The following ASAP2 variants were observed in gnomAD, a reference collection of about 807,000 sequenced individuals.
The protein encoded by ASAP2 is ArfGAP with SH3 domain, ankyrin repeat and PH domain 2, also known as arf-GAP with SH3 domain, ANK repeat and PH domain-containing protein 2.
In ASAP2, 45 loss-of-function variants were observed where a neutral mutation model predicts 131.4. The ratio of observed to expected loss-of-function variants is 0.34; its 90% confidence interval spans 0.27 to 0.44. The LOEUF (loss-of-function observed/expected upper bound fraction) is 0.44, where lower values mean the gene tolerates loss of function less well. Ranked by LOEUF, ASAP2 falls within the 20% of genes least tolerant of loss-of-function variation. ASAP2 has a pLI of 1.00. For synonymous variants in ASAP2, 510 were observed against 503.0 expected (o/e 1.01, Z -0.19); for missense variants, 1,011 against 1,297.0 (o/e 0.78, Z 3.39).
intron 1 of ASAP2, among the ~76,000 whole-genome samples, chr2:9,275,819 T>G (rs1666725517): frequency 6.6e-6 from 1 of 152,168 alleles, no homozygotes; most frequent in Admixed American, 6.5e-5. Flanking sequence ...TGACTGACCT[T>G]AGAGGAAAGC....
intron 1 of ASAP2, among the ~76,000 whole-genome samples, chr2:9,261,665 G>T (rs927278427): frequency 6.6e-6 from 1 of 152,332 alleles, no homozygotes; most frequent in South Asian, 2.1e-4. Context: ...AGGTTGCCCA[G>T]TGCTGCCCCC....
chr2:9,282,352 AAAG>A (rs1667182178), intron 2 of ASAP2, among the ~76,000 whole-genome samples: 1 of 152,250 alleles, frequency 6.6e-6, no homozygotes, highest in African/African-American at 2.4e-5. Flanking sequence ...TGTCTACTGC[AAAG>A]AAGTCACCTG....
intron 21 of ASAP2, among the ~76,000 whole-genome samples, chr2:9,387,079 G>GGC (rs1553328900): frequency 6.9e-6 from 1 of 145,312 alleles, no homozygotes; most frequent in African/African-American, 2.6e-5. Flanking sequence ...GGTGGTGGGT[G>GGC]GGGGGGCGCC....
At chr2:9,296,752 G>C (rs1434085595) in intron 2 of ASAP2, among the ~76,000 whole-genome samples, 1 of 152,194 alleles carries the variant, frequency 6.6e-6, no homozygotes, top group African/African-American at 2.4e-5. Flanking sequence ...CTTCCTGGAG[G>C]AAGCATGAGT....
rs762821900 is a variant in ASAP2 at position 9,368,438 on chromosome 2, T to C, written c.1475T>C (p.Ile492Thr). ...TCATTTTTGCAGCTCGCCAAGAATA[T>C]TGGGAATGCAGGCTTTAATGAGATC... is the stretch of plus-strand genomic sequence containing the variant. ...GTSELLLAKN[I>T]GNAGFNEIME... Residue 492 changes from isoleucine to threonine, a missense_variant, in exon 16 of 28, where the codon ATT becomes ACT. By Grantham distance (89) the Ile-to-Thr change is moderately conservative (BLOSUM62 -1). This residue lies in a region of ASAP2 where 652 missense variants were observed against 698.9 expected (regional missense o/e 0.93). Coordinates refer to ENST00000281419, the MANE Select transcript of ASAP2 (RefSeq NM_003887.3). 1 of 1,614,098 alleles carries C rather than the reference T, an allele frequency of 6.2e-7. No homozygotes were observed.
chr2:9,396,494 C>T (rs1054979327), intron 24 of ASAP2, among the ~76,000 whole-genome samples: 22 of 152,098 alleles, frequency 1.4e-4, no homozygotes, highest in African/African-American at 5.1e-4. Flanking sequence ...CCAGGCTGGT[C>T]TCGAACTCCT....
chr2:9,388,220 C>A, intron 21 of ASAP2, 74 bp from the exon 22 acceptor site: 1 of 1,581,906 alleles, frequency 6.3e-7, no homozygotes, highest in Non-Finnish European at 8.6e-7. Flanking sequence ...AGGTTTTCAC[C>A]CCTGTGTTGA....
intron 20 of ASAP2, 59 bp from the exon 21 acceptor site, chr2:9,385,186 G>A: frequency 1.5e-6 from 2 of 1,340,374 alleles, no homozygotes; most frequent in Non-Finnish European, 2.1e-6. Flanking sequence ...ACTTCAGTGG[G>A]TCCAGATGCA....
At chr2:9,345,281 G>A (rs4669383) in intron 11 of ASAP2, among the ~76,000 whole-genome samples, 143,914 of 152,232 alleles carry the variant, frequency 0.95, 68,549 homozygotes, top group East Asian at 1. Flanking sequence ...ACATCTCAGT[G>A]ATTTTATTAT....
chr2:9,355,908 G>A (rs1455254295), intron 12 of ASAP2, 139 bp from the exon 13 acceptor site: 5 of 1,005,858 alleles, frequency 5.0e-6, no homozygotes, highest in Non-Finnish European at 7.5e-6. Flanking sequence ...ATATGAGGGA[G>A]TGCCTGATTT....
At chr2:9,312,087 A>G (rs926762471) in intron 3 of ASAP2, among the ~76,000 whole-genome samples, 2 of 152,240 alleles carry the variant, frequency 1.3e-5, no homozygotes, top group African/African-American at 4.8e-5. Flanking sequence ...AGTGATTTCC[A>G]GTAACTTTAC....
chr2:9,298,776 C>T (rs1471876155), intron 3 of ASAP2, among the ~76,000 whole-genome samples: 1 of 152,224 alleles, frequency 6.6e-6, no homozygotes, highest in African/African-American at 2.4e-5. Context: ...GCTCTCCCCG[C>T]ACCTGGGTGG....
chr2:9,327,800 G>A (rs1218884613), intron 6 of ASAP2, 26 bp from the exon 7 acceptor site: 1 of 1,547,406 alleles, frequency 6.5e-7, no homozygotes. Flanking sequence ...TTACTTCCAT[G>A]ACATTTCCTT....
In ASAP2 at chr2:9,303,215, A is replaced by G. The variant is rs548667827; in HGVS notation, c.345+5770A>G. Among the ~76,000 whole-genome samples, 5 of 152,368 alleles carry G rather than the reference A, an allele frequency of 3.3e-5. No homozygotes were observed. The South Asian group carries it at 1.0e-3, about 32-fold the overall frequency. On this transcript the variant is annotated intron_variant, in intron 3 of 27. Transcript: ENST00000281419. ...TAAGTCACTGTTTTAGACATAAACT[A>G]ATGAACTATGCTGAAATCTAGAGAC...
At position 9,402,436 on chromosome 2, in the gene ASAP2, C is replaced by T. The variant is rs192855609; in HGVS notation, c.2947-817C>T. On this transcript the variant is annotated intron_variant, in intron 27 of 27. Transcript: ENST00000281419. Reference sequence around the variant, plus strand: ...CTTGAGGTCAGGAGTTCGAGACCAGCCTGGCCAACATGGTTCTCTACTAAA... The same window carrying T: ...CTTGAGGTCAGGAGTTCGAGACCAGTCTGGCCAACATGGTTCTCTACTAAA... 2.0e-5 allele frequency among the ~76,000 whole-genome samples: 3 copies of T among 152,306 alleles called. No homozygotes were observed. In the East Asian group the frequency reaches 5.8e-4, roughly 29 times the overall value.
chr2:9,227,967 G>A (rs933561547), intron 1 of ASAP2, among the ~76,000 whole-genome samples: 5 of 152,222 alleles, frequency 3.3e-5, no homozygotes, highest in African/African-American at 9.6e-5. Flanking sequence ...AATACTAGTG[G>A]TATTAGCTGT....
chr2:9,338,331 C>T (rs1671355003), intron 9 of ASAP2, among the ~76,000 whole-genome samples: 1 of 151,798 alleles, frequency 6.6e-6, no homozygotes. Flanking sequence ...CTGTCTATCT[C>T]TCTCTGTCTG....
chr2:9,224,349 G>T (rs1265339200), intron 1 of ASAP2, among the ~76,000 whole-genome samples: 1 of 152,138 alleles, frequency 6.6e-6, no homozygotes, highest in African/African-American at 2.4e-5. Flanking sequence ...AGTGTGCCTA[G>T]GGTTGGGACT....
chr2:9,384,142 C>T (rs933704983), intron 20 of ASAP2, among the ~76,000 whole-genome samples: 3 of 152,012 alleles, frequency 2.0e-5, no homozygotes, highest in African/African-American at 7.2e-5. Context: ...TGCACATGTA[C>T]CCTAGAACTT....
Sources: gnomAD v4.1 joint callset for allele counts (sites outside exome capture counted in the v4.1 genomes callset) on GRCh38, gnomAD v4.1.1 for gene constraint, gnomAD v4.1.1 regional missense constraint, MANE v1.5 for transcripts, NCBI Gene and HGNC (gene_info 2026-07-23, HGNC 2026-07-21) for gene names.